Variants in EXOC4 observed in about 807,000 individuals in gnomAD.
EXOC4 encodes the protein SEC8-like 1.
In EXOC4, 71 loss-of-function variants were observed where a neutral mutation model predicts 107.2. The observed-to-expected ratio is 0.66, with a 90% CI of 0.55 to 0.81. The LOEUF is 0.81. EXOC4 is among the 30% of genes least tolerant of loss of function. EXOC4 has a pLI of 0.00. For synonymous variants in EXOC4, 456 were observed against 441.2 expected (o/e 1.03, Z -0.42); for missense variants, 1,108 against 1,189.6 (o/e 0.93, Z 1.01).
chr7:134,006,517 A>G (rs1794646219), intron 16 of EXOC4, among the ~76,000 whole-genome samples: 1 of 152,202 alleles, frequency 6.6e-6, no homozygotes, highest in Non-Finnish European at 1.5e-5. Flanking sequence ...AGTGTAGCTG[A>G]AGCAAGACCT....
intron 17 of EXOC4, among the ~76,000 whole-genome samples, chr7:134,059,701 T>C (rs1796012021): frequency 6.6e-6 from 1 of 152,204 alleles, no homozygotes; most frequent in African/African-American, 2.4e-5. Flanking sequence ...AAGTATCCAA[T>C]TGTGTTTCAA....
intron 17 of EXOC4, among the ~76,000 whole-genome samples, chr7:134,041,475 T>A (rs1294047967): frequency 6.6e-6 from 1 of 152,186 alleles, no homozygotes; most frequent in South Asian, 2.1e-4. Context: ...TTCCAATAAT[T>A]TGCACACTCA....
At chr7:133,306,556 TG>T (rs1794758189) in intron 4 of EXOC4, among the ~76,000 whole-genome samples, 1 of 152,092 alleles carries the variant, frequency 6.6e-6, no homozygotes, top group African/African-American at 2.4e-5. Flanking sequence ...CAAAATTAGC[TG>T]GGTATAGTGG....
intron 14 of EXOC4, among the ~76,000 whole-genome samples, chr7:133,994,076 T>C (rs1165666643): frequency 2.0e-5 from 3 of 152,332 alleles, no homozygotes; most frequent in Middle Eastern, 3.4e-3. Flanking sequence ...ACAATGTTTA[T>C]GTAGTACAGA....
At chr7:134,078,189 A>C in the EXOC4 span, among the ~76,000 whole-genome samples, 4 of 151,480 alleles carry the variant, frequency 2.6e-5, no homozygotes, top group African/African-American at 9.7e-5. Context: ...CCCCTTTTTC[A>C]TTTATTTGAA....
At chr7:134,007,294 A>G (rs182339200) in intron 16 of EXOC4, among the ~76,000 whole-genome samples, 1 of 152,288 alleles carries the variant, frequency 6.6e-6, no homozygotes, top group Admixed American at 6.5e-5. Context: ...GGGTCATTGT[A>G]TATGCCTGTG....
chr7:133,396,249 A>G (rs1311514816), intron 7 of EXOC4: 1 of 152,168 alleles, frequency 6.6e-6, no homozygotes, highest in Non-Finnish European at 1.5e-5. Context: ...ATGAAACGCT[A>G]GTGTTATTTC....
At chr7:134,040,110 G>A (rs1016380623) in intron 17 of EXOC4, among the ~76,000 whole-genome samples, 1 of 152,188 alleles carries the variant, frequency 6.6e-6, no homozygotes, top group Non-Finnish European at 1.5e-5. Flanking sequence ...CTGGAATAAA[G>A]CGACAGTCCC....
chr7:133,971,359 T>TAGAGAG (rs1413957280), intron 14 of EXOC4, among the ~76,000 whole-genome samples: 5 of 96,732 alleles, frequency 5.2e-5, no homozygotes, highest in East Asian at 3.4e-4. Flanking sequence ...TATATATATA[T>TAGAGAG]ATAGAGAGAG....
chr7:133,445,288 A>G (rs906510235), intron 7 of EXOC4, among the ~76,000 whole-genome samples: 2 of 152,190 alleles, frequency 1.3e-5, no homozygotes, highest in Non-Finnish European at 2.9e-5. Flanking sequence ...TTTGAAAGAG[A>G]TGGCTGGAAC....
intron 9 of EXOC4, among the ~76,000 whole-genome samples, chr7:133,587,932 G>A (rs942106759): frequency 6.6e-6 from 1 of 152,072 alleles, no homozygotes; most frequent in African/African-American, 2.4e-5. Context: ...TTTCCCCTTA[G>A]GGGAGACTAT....
chr7:133,749,445 T>C (rs1795744553), intron 10 of EXOC4, among the ~76,000 whole-genome samples: 1 of 152,130 alleles, frequency 6.6e-6, no homozygotes, highest in African/African-American at 2.4e-5. Context: ...CATTGTGGAG[T>C]GCAGCAGCAT....
chr7:133,500,908 C>T (rs1251985845), intron 9 of EXOC4, among the ~76,000 whole-genome samples: 1 of 152,132 alleles, frequency 6.6e-6, no homozygotes, highest in Non-Finnish European at 1.5e-5. Flanking sequence ...GAATCAACCT[C>T]AAATCCTTTT....
At chr7:133,528,678 A>C (rs1448663201) in intron 9 of EXOC4, among the ~76,000 whole-genome samples, 1 of 152,184 alleles carries the variant, frequency 6.6e-6, no homozygotes, top group African/African-American at 2.4e-5. Context: ...GTGTATCACC[A>C]GCTTAATTTT....
At chr7:133,861,724 G>A (rs956470446) in intron 11 of EXOC4, among the ~76,000 whole-genome samples, 1 of 152,070 alleles carries the variant, frequency 6.6e-6, no homozygotes, top group African/African-American at 2.4e-5. Context: ...AGTAGAGATG[G>A]GGTTTCACCA....
At chr7:134,085,729 T>C in the EXOC4 span, among the ~76,000 whole-genome samples, 2 of 152,196 alleles carry the variant, frequency 1.3e-5, no homozygotes, top group Admixed American at 1.3e-4. Flanking sequence ...GTAAAACTTA[T>C]CCCTAGGGTG....
rs1348596589 is a variant in EXOC4, at chr7:133,488,932, A to G, written c.1417+8794A>G. Among the ~76,000 whole-genome samples, 3 of 149,550 alleles carry G rather than the reference A, an allele frequency of 2.0e-5. No individual in the cohort carries two copies. The East Asian group carries it at 5.8e-4, about 29-fold the overall frequency. On this transcript the variant is annotated intron_variant, in intron 9 of 17. Transcript: ENST00000253861. Reference sequence around the variant, plus strand: ...AATGTAAACATTTATAATGTAATATATATAAAATCTCTATATAAAGTCTAA... The same window carrying G: ...AATGTAAACATTTATAATGTAATATGTATAAAATCTCTATATAAAGTCTAA...
chr7:133,265,036 T>C (rs1012605856), intron 1 of EXOC4, among the ~76,000 whole-genome samples: 1 of 152,218 alleles, frequency 6.6e-6, no homozygotes, highest in African/African-American at 2.4e-5. Context: ...TAATGTCTTC[T>C]GGTTAAAAGC....
intron 3 of EXOC4, among the ~76,000 whole-genome samples, chr7:133,302,720 T>C (rs796181612): frequency 5.9e-5 from 9 of 152,262 alleles, no homozygotes; most frequent in African/African-American, 1.7e-4. Flanking sequence ...GTGTTGCGTG[T>C]CACACTTATG....
Sources: allele counts gnomAD v4.1 joint callset (sites outside exome capture counted in the v4.1 genomes callset), GRCh38; gene constraint gnomAD v4.1.1; transcripts MANE v1.5; gene names NCBI Gene and HGNC (gene_info 2026-07-23, HGNC 2026-07-21).